The following NBEA variants were observed in gnomAD, a reference collection of about 807,000 sequenced individuals.
The protein encoded by NBEA is neurobeachin.
NBEA carries 44 observed loss-of-function variants against 343.4 expected under a neutral mutation model. The ratio of observed to expected loss-of-function variants is 0.13; its 90% CI spans 0.10 to 0.16. The LOEUF is 0.16. Among genes scored for constraint, NBEA ranks in the 10% least tolerant of loss-of-function variants. NBEA has a pLI of 1.00. For synonymous variants in NBEA, 1,175 were observed against 1,238.7 expected (o/e 0.95, Z 1.08); for missense variants, 2,555 against 3,631.3 (o/e 0.70, Z 7.62).
In NBEA at chr13:35,671,624, CTCCA is replaced by C. The variant is rs1258767536; in HGVS notation, c.*636_*639del. ...CTTGTATGAAAGGGTTGAATTTGGG[CTCCA>C]TCAGTAATTTTTGACATTTTCACCA... On this transcript the variant is annotated 3_prime_UTR_variant, in exon 59 of 59. Coordinates refer to ENST00000379939, the MANE Select transcript of NBEA (RefSeq NM_001385012.1). The C allele has an allele frequency of 6.6e-6, 1 of 152,610 alleles. No individual in the cohort carries two copies. Among genetic ancestry groups the C allele is most frequent in the Non-Finnish European group, 1.5e-5 (1 of 68,038 alleles). 9.5% of individuals were successfully genotyped at this position (152,610 alleles called of 1,614,324 possible).
intron 36 of NBEA, among the ~76,000 whole-genome samples, chr13:35,319,093 C>CT (rs1209805921): frequency 6.6e-6 from 1 of 152,132 alleles, no homozygotes; most frequent in Middle Eastern, 3.2e-3. Flanking sequence ...TTTTGTGTCT[C>CT]TATCTCCTAC....
Position 35,668,532 on chromosome 13 carries a change from A to G in NBEA, c.8813+13A>G, listed in dbSNP as rs1341176293. On this transcript the variant is annotated intron_variant, in intron 58 of 58. Transcript: ENST00000379939. ...CCCATGACCAGAGGTGAGCTGCGTC[A>G]AGGACAAGTATCATCACTGAGAACT... 2.5e-6 allele frequency: 4 copies of G among 1,571,738 alleles called. No individual in the cohort carries two copies. The Admixed American group carries it at 5.6e-5, about 22-fold the overall frequency.
At chr13:34,963,817 A>G (rs921003954) in intron 1 of NBEA, among the ~76,000 whole-genome samples, 1 of 151,876 alleles carries the variant, frequency 6.6e-6, no homozygotes, top group Admixed American at 6.6e-5. Flanking sequence ...CCAGCTAATT[A>G]AAAGAAAACA....
intron 41 of NBEA, among the ~76,000 whole-genome samples, chr13:35,527,650 T>C (rs994633397): frequency 2.6e-5 from 4 of 152,192 alleles, no homozygotes; most frequent in Non-Finnish European, 4.4e-5. Flanking sequence ...AGCCTTGTAC[T>C]GTACCAGAAC....
intron 9 of NBEA, 68 bp from the exon 10 acceptor site, chr13:35,070,651 T>C (rs1471631006): frequency 7.4e-7 from 1 of 1,358,148 alleles, no homozygotes; most frequent in East Asian, 2.4e-5. Context: ...TAAAGGTATT[T>C]GGAACAAGGA....
intron 2 of NBEA, among the ~76,000 whole-genome samples, chr13:35,042,724 C>T (rs892890865): frequency 1.3e-5 from 2 of 151,596 alleles, no homozygotes; most frequent in Non-Finnish European, 1.5e-5. Context: ...TCTAGCATTT[C>T]CCTTCAAAAG....
intron 17 of NBEA, among the ~76,000 whole-genome samples, chr13:35,140,356 G>A (rs1265378996): frequency 6.6e-6 from 1 of 152,162 alleles, no homozygotes; most frequent in East Asian, 1.9e-4. Flanking sequence ...GCTCCTTGTA[G>A]CAGAGATCTA....
intron 8 of NBEA, among the ~76,000 whole-genome samples, chr13:35,063,083 A>G (rs2063521538): frequency 6.6e-6 from 1 of 151,992 alleles, no homozygotes; most frequent in South Asian, 2.1e-4. Context: ...TCCTCTTTCA[A>G]ATGAAAGGTA....
chr13:35,522,336 C>T (rs563837475), intron 41 of NBEA, among the ~76,000 whole-genome samples: 17 of 151,730 alleles, frequency 1.1e-4, no homozygotes, highest in African/African-American at 2.9e-4. Context: ...GGTATGGTGG[C>T]GCATGCCTGT....
rs369264266 is a variant in NBEA, at chr13:35,141,639, G to A, written c.2337-630G>A. Among the ~76,000 whole-genome samples the A allele has an allele frequency of 1.4e-4, 21 of 152,296 alleles. 1 individual carries two copies. The South Asian group carries it at 4.1e-3, about 30-fold the overall frequency. On this transcript the variant is annotated intron_variant, in intron 17 of 58. Transcript: ENST00000379939. Reference sequence around the variant, plus strand: ...TCTTGAGCTAGAGCTAAGAGTTCCAGGAGGCCTTTAATGGAACCTTCTATC... The same window carrying A: ...TCTTGAGCTAGAGCTAAGAGTTCCAAGAGGCCTTTAATGGAACCTTCTATC...
At chr13:35,624,051 T>G (rs1394945175) in intron 48 of NBEA, among the ~76,000 whole-genome samples, 2 of 122,132 alleles carry the variant, frequency 1.6e-5, no homozygotes, top group Non-Finnish European at 3.5e-5. Context: ...CCTGTGTGTG[T>G]GTGGGTGTGT....
chr13:35,396,222 T>C (rs1203367586), intron 38 of NBEA, among the ~76,000 whole-genome samples: 1 of 152,138 alleles, frequency 6.6e-6, no homozygotes, highest in Non-Finnish European at 1.5e-5. Context: ...TGTTTTGATC[T>C]CTGCCTTCCA....
intron 36 of NBEA, among the ~76,000 whole-genome samples, chr13:35,320,104 A>C (rs1452720001): frequency 1.3e-5 from 2 of 152,140 alleles, no homozygotes; most frequent in Admixed American, 6.5e-5. Flanking sequence ...ATTTAAGGTT[A>C]ATATTGTTAT....
chr13:35,284,573 A>T (rs2152813994), intron 34 of NBEA, among the ~76,000 whole-genome samples: 1 of 152,264 alleles, frequency 6.6e-6, no homozygotes, highest in Admixed American at 6.5e-5. Context: ...ATAGTAACTA[A>T]TCTACCTATA....
chr13:35,601,333 C>T (rs956230489), intron 47 of NBEA, among the ~76,000 whole-genome samples: 1 of 152,164 alleles, frequency 6.6e-6, no homozygotes, highest in African/African-American at 2.4e-5. Flanking sequence ...TATATGTTAG[C>T]ACCATTCTTA....
intron 41 of NBEA, among the ~76,000 whole-genome samples, chr13:35,473,643 C>A (rs2075745762): frequency 6.6e-6 from 1 of 152,150 alleles, no homozygotes; most frequent in East Asian, 1.9e-4. Flanking sequence ...CTTGAATGCA[C>A]TGTATTTTAT....
intron 1 of NBEA, among the ~76,000 whole-genome samples, chr13:34,950,683 ACTT>A (rs1002912023): frequency 1.3e-5 from 2 of 152,052 alleles, no homozygotes; most frequent in African/African-American, 4.8e-5. Flanking sequence ...TTGTCAAAGA[ACTT>A]GATATATTTC....
At chr13:34,961,926 A>G (rs544533598) in intron 1 of NBEA, among the ~76,000 whole-genome samples, 3 of 152,102 alleles carry the variant, frequency 2.0e-5, no homozygotes, top group Non-Finnish European at 4.4e-5. Context: ...TATAAAATGC[A>G]CACTTAATTT....
intron 1 of NBEA, among the ~76,000 whole-genome samples, chr13:34,977,671 C>G (rs1484885476): frequency 1.3e-5 from 2 of 152,108 alleles, no homozygotes; most frequent in African/African-American, 4.8e-5. Flanking sequence ...GAGAAGTAAT[C>G]TAATTCATTT....
Sources: gnomAD v4.1 joint callset for allele counts (sites outside exome capture counted in the v4.1 genomes callset) on GRCh38, gnomAD v4.1.1 for gene constraint, MANE v1.5 for transcripts, NCBI Gene and HGNC (gene_info 2026-07-23, HGNC 2026-07-21) for gene names.